SAMD12: variants seen among roughly 807,000 people sequenced by gnomAD.
The protein encoded by SAMD12 is sterile alpha motif domain-containing protein 12.
Under a neutral mutation model 15.0 loss-of-function variants are expected in SAMD12, and 9 were observed. The observed-to-expected ratio is 0.60, with a 90% CI of 0.36 to 1.05. SAMD12 has a LOEUF of 1.05. Among genes scored for constraint, SAMD12 ranks in the 50% least tolerant of loss-of-function variants. The probability of loss-of-function intolerance (pLI) is 0.01; values close to 1 mark genes in which losing one functional copy is unlikely to be tolerated. For missense variants in SAMD12, 230 were observed against 234.2 expected, an observed-to-expected ratio of 0.98 and a Z score of 0.12; for synonymous variants, 86 against 90.1, an observed-to-expected ratio of 0.96 and a Z score of 0.25.
intron 3 of SAMD12, among the ~76,000 whole-genome samples, chr8:118,414,104 C>T (rs1361776796): frequency 6.6e-6 from 1 of 152,112 alleles, no homozygotes; most frequent in Non-Finnish European, 1.5e-5. Flanking sequence ...ATAAACTTTG[C>T]AATATTTACC....
At chr8:118,222,795 G>A (rs924958167) in intron 4 of SAMD12, among the ~76,000 whole-genome samples, 3 of 152,166 alleles carry the variant, frequency 2.0e-5, no homozygotes, top group Middle Eastern at 3.4e-3. Flanking sequence ...GTGAGCCACG[G>A]CACCCGGCCG....
At chr8:118,553,639 A>C (rs1313627071) in intron 2 of SAMD12, among the ~76,000 whole-genome samples, 2 of 149,848 alleles carry the variant, frequency 1.3e-5, no homozygotes, top group Non-Finnish European at 3.0e-5. Flanking sequence ...CTTCATGTCT[A>C]AAACACCAAA....
intron 2 of SAMD12, among the ~76,000 whole-genome samples, chr8:118,496,812 C>T (rs773530568): frequency 6.6e-4 from 100 of 151,990 alleles, no homozygotes; most frequent in Non-Finnish European, 8.7e-4. Flanking sequence ...CTGCAAACTA[C>T]GCATCTGACA....
intron 2 of SAMD12, among the ~76,000 whole-genome samples, chr8:118,555,373 A>T (rs996581571): frequency 2.6e-5 from 4 of 152,076 alleles, no homozygotes; most frequent in African/African-American, 9.7e-5. Context: ...TCTCTTTTTG[A>T]GTGGGTGCCA....
At chr8:118,537,404 C>G (rs1051835703) in intron 2 of SAMD12, among the ~76,000 whole-genome samples, 1 of 152,154 alleles carries the variant, frequency 6.6e-6, no homozygotes, top group African/African-American at 2.4e-5. Flanking sequence ...AGGGCAATAA[C>G]TCTTAGATTT....
At chr8:118,449,500 G>A (rs16891059) in intron 2 of SAMD12, among the ~76,000 whole-genome samples, 3,643 of 151,720 alleles carry the variant, frequency 0.024, 129 homozygotes, top group African/African-American at 0.083. Context: ...AAAAACACAG[G>A]CATAGGAAGA....
intron 4 of SAMD12, among the ~76,000 whole-genome samples, chr8:118,215,465 CTT>C (rs900815536): frequency 2.1e-5 from 2 of 95,782 alleles, no homozygotes; most frequent in East Asian, 4.3e-4. Context: ...TCATTGAGTG[CTT>C]TTTTTTTTTA....
At chr8:118,454,873 G>C (rs2130923428) in intron 2 of SAMD12, among the ~76,000 whole-genome samples, 1 of 152,250 alleles carries the variant, frequency 6.6e-6, no homozygotes, top group South Asian at 2.1e-4. Context: ...CCTCATATAA[G>C]TGGATTCAGG....
At chr8:118,179,682 G>T in the SAMD12 span, among the ~76,000 whole-genome samples, 5 of 152,264 alleles carry the variant, frequency 3.3e-5, no homozygotes, top group East Asian at 9.7e-4. Context: ...GGTGAAAGAG[G>T]CCTAATGCCA....
At chr8:118,599,801 T>A (rs191936657) in intron 1 of SAMD12, among the ~76,000 whole-genome samples, 2 of 152,142 alleles carry the variant, frequency 1.3e-5, no homozygotes, top group Non-Finnish European at 2.9e-5. Flanking sequence ...TCCCACCATA[T>A]GTAAACCTGG....
At chr8:118,528,487 A>G (rs1191104470) in intron 2 of SAMD12, among the ~76,000 whole-genome samples, 1 of 152,244 alleles carries the variant, frequency 6.6e-6, no homozygotes, top group Non-Finnish European at 1.5e-5. Flanking sequence ...ACCTTTAATC[A>G]TGTTCTAATA....
chr8:118,395,612 T>C, intron 3 of SAMD12, among the ~76,000 whole-genome samples: 2 of 152,162 alleles, frequency 1.3e-5, no homozygotes, highest in East Asian at 3.9e-4. Context: ...TCGCTGTGGG[T>C]ACCAATAAGT....
intron 2 of SAMD12, among the ~76,000 whole-genome samples, chr8:118,462,579 A>G (rs934023816): frequency 6.6e-6 from 1 of 152,152 alleles, no homozygotes; most frequent in South Asian, 2.1e-4. Context: ...TGCTGGCTAG[A>G]TCAATGCAGT....
At chr8:118,524,560 C>T (rs1825481883) in intron 2 of SAMD12, among the ~76,000 whole-genome samples, 1 of 152,140 alleles carries the variant, frequency 6.6e-6, no homozygotes, top group Non-Finnish European at 1.5e-5. Flanking sequence ...AGTGCCAATG[C>T]CTGCCAAATA....
At chr8:118,251,702 C>T (rs534544111) in intron 4 of SAMD12, among the ~76,000 whole-genome samples, 2 of 152,222 alleles carry the variant, frequency 1.3e-5, no homozygotes, top group East Asian at 3.9e-4. Context: ...ATTTGGTTTG[C>T]AGGCTCACAC....
At chr8:118,144,187 G>GC in the SAMD12 span, among the ~76,000 whole-genome samples, 4 of 152,206 alleles carry the variant, frequency 2.6e-5, no homozygotes, top group Admixed American at 6.5e-5. Flanking sequence ...CAGCATTTAG[G>GC]CCCTGCCCAG....
intron 4 of SAMD12, among the ~76,000 whole-genome samples, chr8:118,245,105 T>C (rs1190974163): frequency 6.6e-6 from 1 of 152,168 alleles, no homozygotes; most frequent in Non-Finnish European, 1.5e-5. Flanking sequence ...ACCCATCTTA[T>C]TTAATATCTA....
intron 2 of SAMD12, among the ~76,000 whole-genome samples, chr8:118,552,242 C>G (rs2131184642): frequency 1.3e-5 from 2 of 152,190 alleles, no homozygotes; most frequent in East Asian, 3.9e-4. Context: ...AATTTTAGAC[C>G]AATATCCTTG....
Position 118,426,391 on chromosome 8 carries a change from C to G in SAMD12, c.322+13441G>C, listed in dbSNP as rs145668133. Among the ~76,000 whole-genome samples, 233 of 152,276 alleles carry G rather than the reference C, an allele frequency of 1.5e-3. 1 individual carries two copies. The Middle Eastern group carries it at 0.027, about 18-fold the overall frequency. On this transcript the variant is annotated intron_variant, in intron 3 of 3. Transcript: ENST00000314727. ...GCAAGATTGTTGAAAGCCACTAACT[C>G]TTTCACACTGAGGAGTTCTAGGCAC...
Sources: allele counts gnomAD v4.1 joint callset (sites outside exome capture counted in the v4.1 genomes callset), GRCh38; gene constraint gnomAD v4.1.1; transcripts MANE v1.5; gene names NCBI Gene and HGNC (gene_info 2026-07-23, HGNC 2026-07-21).